The following NEDD4L variants were observed in gnomAD, a reference collection of about 807,000 sequenced individuals.
The protein encoded by NEDD4L is E3 ubiquitin-protein ligase NEDD4-like.
A neutral mutation model predicts 148.9 loss-of-function variants in NEDD4L; 54 were observed. The ratio of observed to expected loss-of-function variants is 0.36; its 90% CI spans 0.29 to 0.45. The LOEUF (loss-of-function observed/expected upper bound fraction) is 0.45, where lower values mean the gene tolerates loss of function less well. Ranked by LOEUF, NEDD4L falls within the 20% of genes least tolerant of loss-of-function variation. The pLI is 1.00. For missense variants in NEDD4L, 856 were observed against 1,233.8 expected, an observed-to-expected ratio of 0.69 and a Z score of 4.59; for synonymous variants, 433 against 440.7, an observed-to-expected ratio of 0.98 and a Z score of 0.22.
chr18:58,375,492 A>G (rs1037766956), intron 24 of NEDD4L, among the ~76,000 whole-genome samples: 9 of 151,266 alleles, frequency 5.9e-5, no homozygotes, highest in Admixed American at 4.0e-4. Context: ...ATCCAGACCT[A>G]CCCCCCTCTG....
At chr18:58,199,044 G>C (rs773064659) in intron 2 of NEDD4L, among the ~76,000 whole-genome samples, 1 of 152,082 alleles carries the variant, frequency 6.6e-6, no homozygotes, top group Non-Finnish European at 1.5e-5. Context: ...CGCCTGCCTC[G>C]GTCTCCCAAA....
chr18:58,308,386 G>A (rs926036399), intron 5 of NEDD4L, among the ~76,000 whole-genome samples: 3 of 152,200 alleles, frequency 2.0e-5, no homozygotes, highest in Admixed American at 6.5e-5. Context: ...CTAAGAAGCT[G>A]TCAGTGGCAT....
At chr18:58,323,908 C>T (rs1223079131) in intron 8 of NEDD4L, among the ~76,000 whole-genome samples, 1 of 152,158 alleles carries the variant, frequency 6.6e-6, no homozygotes, top group African/African-American at 2.4e-5. Context: ...GCACACACCT[C>T]GGCCAGTGCT....
rs777046841 is a variant in NEDD4L at position 58,397,590 on chromosome 18, C to T, written c.*1321C>T. On this transcript the variant is annotated 3_prime_UTR_variant, in exon 31 of 31. Coordinates refer to ENST00000400345, the MANE Select transcript of NEDD4L (RefSeq NM_001144967.3). ...TTTGTTACCAATGACCTGTTGCATG[C>T]TTCAATACCGTGTACTGCCTGAGTT... The T allele has an allele frequency of 2.0e-5, 3 of 152,274 alleles. No individual in the cohort carries two copies. Among genetic ancestry groups the T allele is most frequent in the Non-Finnish European group, 4.4e-5 (3 of 68,046 alleles). The allele number at this position is 152,274 out of a possible 1,614,324, so 9.4% of individuals were successfully genotyped here.
At chr18:58,151,625 A>ATATGTG (rs1555709300) in intron 1 of NEDD4L, among the ~76,000 whole-genome samples, 4 of 140,980 alleles carry the variant, frequency 2.8e-5, no homozygotes, top group African/African-American at 1.1e-4. Flanking sequence ...GTGCCTGGAT[A>ATATGTG]TGTGTGTGTG....
chr18:58,245,627 C>G (rs1033394331), intron 3 of NEDD4L, 119 bp downstream of exon 3: 3 of 475,304 alleles, frequency 6.3e-6, no homozygotes, highest in African/African-American at 2.0e-5. Context: ...GTGATAGTCC[C>G]GTGAGATTAT....
At chr18:58,196,589 A>G (rs1044484825) in intron 2 of NEDD4L, among the ~76,000 whole-genome samples, 2 of 152,158 alleles carry the variant, frequency 1.3e-5, no homozygotes, top group African/African-American at 4.8e-5. Flanking sequence ...CCTTTACTCT[A>G]AGTTAAAGAC....
intron 1 of NEDD4L, among the ~76,000 whole-genome samples, chr18:58,050,030 G>T (rs892819428): frequency 6.7e-6 from 1 of 150,068 alleles, no homozygotes; most frequent in African/African-American, 2.4e-5. Context: ...TTTCTTCAAT[G>T]ATGTAGTGTC....
chr18:58,329,263 T>TATTCAGATGG, intron 10 of NEDD4L, 136 bp downstream of exon 10: 1 of 1,013,606 alleles, frequency 9.9e-7, no homozygotes, highest in Non-Finnish European at 1.4e-6. Flanking sequence ...AGGGAATTAA[T>TATTCAGATGG]TACCATCTGA....
intron 19 of NEDD4L, among the ~76,000 whole-genome samples, chr18:58,358,833 G>A (rs1043683092): frequency 1.3e-5 from 2 of 151,864 alleles, no homozygotes; most frequent in East Asian, 3.8e-4. Flanking sequence ...TTTAAAATAT[G>A]CTTTTTAGTT....
intron 1 of NEDD4L, among the ~76,000 whole-genome samples, chr18:58,079,772 TA>T (rs1438781537): frequency 6.6e-6 from 1 of 152,170 alleles, no homozygotes; most frequent in Non-Finnish European, 1.5e-5. Flanking sequence ...TTTCCCTTTT[TA>T]AACTGGGTGA....
intron 24 of NEDD4L, among the ~76,000 whole-genome samples, chr18:58,381,095 A>G (rs1465585917): frequency 6.6e-6 from 1 of 152,234 alleles, no homozygotes; most frequent in Non-Finnish European, 1.5e-5. Flanking sequence ...AATCTGGAAT[A>G]TACATTTTGT....
At chr18:58,175,770 T>C (rs752920625) in intron 2 of NEDD4L, among the ~76,000 whole-genome samples, 8 of 152,350 alleles carry the variant, frequency 5.3e-5, no homozygotes, top group Admixed American at 1.3e-4. Flanking sequence ...CCCGCAAATA[T>C]AGATAAAAAC....
intron 5 of NEDD4L, among the ~76,000 whole-genome samples, chr18:58,282,011 T>G (rs62096366): frequency 6.8e-6 from 1 of 147,442 alleles, no homozygotes; most frequent in Non-Finnish European, 1.5e-5. Flanking sequence ...GGCGACAGAG[T>G]GAGACTCCGT....
At chr18:58,322,112 G>A (rs543302652) in intron 6 of NEDD4L, among the ~76,000 whole-genome samples, 34 of 152,330 alleles carry the variant, frequency 2.2e-4, no homozygotes, top group Non-Finnish European at 3.8e-4. Flanking sequence ...GTGACCGCTG[G>A]TTCTCCGAAG....
intron 8 of NEDD4L, among the ~76,000 whole-genome samples, chr18:58,324,035 T>C (rs2059090051): frequency 6.6e-6 from 1 of 152,226 alleles, no homozygotes. Context: ...ATAATGTGTG[T>C]GGAGAAGTTA....
Position 58,134,942 on chromosome 18 carries a change from T to C in NEDD4L, c.49-30846T>C, listed in dbSNP as rs1022150877. Reference sequence around the variant, plus strand: ...AGGGATTTAAGTAAAACCTTTCAGGTTTAAGGTCAATGGAAAGCGAAGGAA... The same window carrying C: ...AGGGATTTAAGTAAAACCTTTCAGGCTTAAGGTCAATGGAAAGCGAAGGAA... On this transcript the variant is annotated intron_variant, in intron 1 of 30. Transcript: ENST00000400345. Among the ~76,000 whole-genome samples the C allele has an allele frequency of 8.9e-4, 136 of 152,220 alleles. 1 individual carries two copies. The highest frequency in any genetic ancestry group is 3.4e-3 in the Middle Eastern group (1 of 294).
intron 2 of NEDD4L, among the ~76,000 whole-genome samples, chr18:58,220,337 C>T (rs1207135249): frequency 3.3e-5 from 5 of 151,948 alleles, no homozygotes; most frequent in Non-Finnish European, 5.9e-5. Flanking sequence ...ACCCCAGAGG[C>T]AGAGACTGTA....
intron 5 of NEDD4L, among the ~76,000 whole-genome samples, chr18:58,280,251 A>G (rs925737816): frequency 1.3e-5 from 2 of 152,054 alleles, no homozygotes; most frequent in African/African-American, 2.4e-5. Context: ...TGTGTGGCCC[A>G]TGTCACTGTC....
Sources: gnomAD v4.1 joint callset for allele counts (sites outside exome capture counted in the v4.1 genomes callset) on GRCh38, gnomAD v4.1.1 for gene constraint, MANE v1.5 for transcripts, NCBI Gene and HGNC (gene_info 2026-07-23, HGNC 2026-07-21) for gene names.